NRXN3: variants seen among roughly 807,000 people sequenced by gnomAD.
NRXN3 encodes the protein neurexin III.
NRXN3 carries 32 observed loss-of-function variants against 137.6 expected under a neutral mutation model. The ratio of observed to expected loss-of-function variants is 0.23; its 90% CI spans 0.18 to 0.31. The LOEUF is 0.31. Among genes scored for constraint, NRXN3 ranks in the 10% least tolerant of loss-of-function variants. The probability of loss-of-function intolerance (pLI) is 1.00; values close to 1 mark genes in which losing one functional copy is unlikely to be tolerated. For synonymous variants in NRXN3, 798 were observed against 784.5 expected (o/e 1.02, Z -0.29); for missense variants, 1,574 against 2,062.5 (o/e 0.76, Z 4.59).
intron 16 of NRXN3, among the ~76,000 whole-genome samples, chr14:79,521,415 G>A (rs1345351156): frequency 2.0e-5 from 3 of 152,062 alleles, no homozygotes; most frequent in African/African-American, 7.2e-5. Flanking sequence ...CTTTTGGATA[G>A]ACCCTCTGGC....
chr14:78,172,314 G>C (rs578100869), intron 1 of NRXN3, among the ~76,000 whole-genome samples: 7 of 152,224 alleles, frequency 4.6e-5, no homozygotes, highest in Non-Finnish European at 1.0e-4. Context: ...TTAATTTGCC[G>C]TTCTGGGTAG....
chr14:78,740,557 T>C (rs989346642), intron 8 of NRXN3, among the ~76,000 whole-genome samples: 1 of 151,294 alleles, frequency 6.6e-6, no homozygotes, highest in African/African-American at 2.4e-5. Context: ...TTTTTTTTTT[T>C]TACACATTAG....
chr14:79,755,168 A>G (rs1348921622), intron 19 of NRXN3, among the ~76,000 whole-genome samples: 1 of 152,178 alleles, frequency 6.6e-6, no homozygotes, highest in Non-Finnish European at 1.5e-5. Flanking sequence ...TCTCATTTAT[A>G]TGATATAAAC....
intron 19 of NRXN3, among the ~76,000 whole-genome samples, chr14:79,746,120 C>G (rs1157129612): frequency 6.6e-6 from 1 of 152,108 alleles, no homozygotes; most frequent in East Asian, 1.9e-4. Context: ...TCTAGTTTTA[C>G]TCAGTCTAGA....
intron 17 of NRXN3, among the ~76,000 whole-genome samples, chr14:79,684,574 G>T (rs1373644639): frequency 6.6e-6 from 1 of 152,166 alleles, no homozygotes; most frequent in African/African-American, 2.4e-5. Context: ...GAGCATCGGA[G>T]ATATTAATAA....
At chr14:79,440,544 C>A (rs1401312273) in intron 15 of NRXN3, among the ~76,000 whole-genome samples, 1 of 152,148 alleles carries the variant, frequency 6.6e-6, no homozygotes, top group Non-Finnish European at 1.5e-5. Context: ...TTTACAATAT[C>A]TTTTCTGATG....
rs1349672061 is a variant in NRXN3 at position 78,487,563 on chromosome 14, T to A, written c.758-157557T>A. On this transcript the variant is annotated intron_variant, in intron 4 of 20. Coordinates refer to ENST00000335750, the MANE Select transcript of NRXN3 (RefSeq NM_001330195.2). The stretch of plus-strand genomic sequence containing the variant: ...TTCAAGACCAGCCTGGCCAACATGG[T>A]GAAACCCCGTCTCTACTAAAAATAC... Among the ~76,000 whole-genome samples, 5 of 152,038 alleles carry A rather than the reference T, an allele frequency of 3.3e-5. No individual in the cohort carries two copies. The East Asian group carries it at 9.7e-4, about 30-fold the overall frequency.
chr14:79,698,563 C>T lies in NRXN3; in HGVS notation c.4014+626C>T, dbSNP rs376600238. Among the ~76,000 whole-genome samples, 11 of 152,052 alleles carry T rather than the reference C, an allele frequency of 7.2e-5. No homozygotes were observed. In the South Asian group the frequency reaches 1.2e-3, roughly 17 times the overall value. On this transcript the variant is annotated intron_variant, in intron 19 of 20. Transcript: ENST00000335750. ...TTTGAAGGTTTGAGTTTGGCTATAC[C>T]GGAAGTCCTTGTTTTTGTGGCAGTT...
At chr14:79,405,844 C>T (rs1368497115) in intron 15 of NRXN3, among the ~76,000 whole-genome samples, 1 of 152,108 alleles carries the variant, frequency 6.6e-6, no homozygotes, top group East Asian at 1.9e-4. Flanking sequence ...ATTTCTCGAA[C>T]TCTAATCCAG....
At chr14:78,512,680 A>T (rs2096130823) in intron 4 of NRXN3, among the ~76,000 whole-genome samples, 1 of 152,176 alleles carries the variant, frequency 6.6e-6, no homozygotes, top group Admixed American at 6.5e-5. Flanking sequence ...TCTCACAGGA[A>T]GATAGAGAAA....
intron 15 of NRXN3, among the ~76,000 whole-genome samples, chr14:79,444,110 G>A (rs2096015021): frequency 1.3e-5 from 2 of 152,140 alleles, no homozygotes; most frequent in South Asian, 4.1e-4. Context: ...GAAGTAGTGG[G>A]ACCTGAATCA....
intron 16 of NRXN3, among the ~76,000 whole-genome samples, chr14:79,558,520 G>A (rs753901634): frequency 3.3e-5 from 5 of 150,958 alleles, no homozygotes; most frequent in Non-Finnish European, 7.4e-5. Flanking sequence ...CATTGTCAAT[G>A]ATCAGTAAAA....
chr14:78,589,904 G>T (rs561804151), intron 4 of NRXN3, among the ~76,000 whole-genome samples: 4 of 152,164 alleles, frequency 2.6e-5, no homozygotes, highest in Non-Finnish European at 5.9e-5. Context: ...GTTGTAGTGA[G>T]CCAAATCGCA....
intron 10 of NRXN3, among the ~76,000 whole-genome samples, chr14:78,890,928 A>G (rs2099157078): frequency 6.6e-6 from 1 of 151,974 alleles, no homozygotes; most frequent in Non-Finnish European, 1.5e-5. Context: ...TCCCTAATCA[A>G]AATGCTGCCA....
At chr14:78,772,235 A>G (rs2098730680) in intron 8 of NRXN3, among the ~76,000 whole-genome samples, 2 of 152,230 alleles carry the variant, frequency 1.3e-5, no homozygotes, top group African/African-American at 2.4e-5. Context: ...ACTGGTTTCA[A>G]TGAAAATGTA....
chr14:78,831,656 C>G (rs1395430888), intron 10 of NRXN3, among the ~76,000 whole-genome samples: 1 of 151,398 alleles, frequency 6.6e-6, no homozygotes, highest in East Asian at 1.9e-4. Context: ...CCTGAAAAGT[C>G]CTGTGGGTTG....
chr14:79,429,829 G>A (rs917752527), intron 15 of NRXN3, among the ~76,000 whole-genome samples: 7 of 152,048 alleles, frequency 4.6e-5, no homozygotes, highest in Non-Finnish European at 8.8e-5. Flanking sequence ...TTGAACCAAG[G>A]GACTTCAATG....
At chr14:79,792,348 T>A (rs1430349623) in intron 19 of NRXN3, among the ~76,000 whole-genome samples, 3 of 152,220 alleles carry the variant, frequency 2.0e-5, no homozygotes, top group African/African-American at 7.2e-5. Context: ...GTAATTCTGT[T>A]TTATTGATTT....
At chr14:79,617,871 A>ATTC (rs2098174700) in intron 16 of NRXN3, among the ~76,000 whole-genome samples, 1 of 143,478 alleles carries the variant, frequency 7.0e-6, no homozygotes, top group African/African-American at 2.7e-5. Context: ...TATTATTATT[A>ATTC]TTGTCATTTT....
Sources: gnomAD v4.1 joint callset for allele counts (sites outside exome capture counted in the v4.1 genomes callset) on GRCh38, gnomAD v4.1.1 for gene constraint, MANE v1.5 for transcripts, NCBI Gene and HGNC (gene_info 2026-07-23, HGNC 2026-07-21) for gene names.